RIC8B: variants seen among roughly 807,000 people sequenced by gnomAD.
The protein encoded by RIC8B is RIC8 guanine nucleotide exchange factor B, also known as chaperone Ric-8B.
RIC8B carries 16 observed loss-of-function variants against 57.5 expected under a neutral mutation model. The ratio of observed to expected loss-of-function variants is 0.28; its 90% CI spans 0.19 to 0.42. The LOEUF (loss-of-function observed/expected upper bound fraction) is 0.42. Ranked by LOEUF, RIC8B falls within the 10% of genes least tolerant of loss-of-function variation. RIC8B has a pLI of 1.00. For missense variants in RIC8B, 481 were observed against 677.0 expected (o/e 0.71, Z 3.21); for synonymous variants, 216 against 250.8 (o/e 0.86, Z 1.31).
At position 106,867,215 on chromosome 12, in the gene RIC8B, C is replaced by G. The variant is rs1024978101; in HGVS notation, c.1452-3608C>G. On this transcript the variant is annotated intron_variant, in intron 8 of 9. Transcript: ENST00000392837. The surrounding 1 kb of genome is among the most constrained non-coding windows in gnomAD (Gnocchi z 4.3). Reference sequence around the variant, plus strand: ...TTATACCTGTGTTCATTTGTCCATACCTTTTTAGTGTGTCTTAATCCTTTT... The same window carrying G: ...TTATACCTGTGTTCATTTGTCCATAGCTTTTTAGTGTGTCTTAATCCTTTT... Among the ~76,000 whole-genome samples the G allele has an allele frequency of 6.6e-6, 1 of 152,130 alleles. No homozygotes were observed. The highest frequency in any genetic ancestry group is 1.5e-5 in the Non-Finnish European group (1 of 68,020).
chr12:106,815,504 A>G (rs1394063154), intron 3 of RIC8B, among the ~76,000 whole-genome samples, 200 bp downstream of exon 3: 1 of 152,222 alleles, frequency 6.6e-6, no homozygotes, highest in Non-Finnish European at 1.5e-5. Flanking sequence ...CACCTATCAG[A>G]ATAGGTGTAA....
chr12:106,860,119 A>C, intron 7 of RIC8B, 149 bp from the exon 8 acceptor site: 1 of 631,364 alleles, frequency 1.6e-6, no homozygotes, highest in Non-Finnish European at 2.5e-6. Context: ...TAAGTAGTTC[A>C]GTATAACCAC....
At chr12:106,824,699 C>G (rs1315676348) in intron 3 of RIC8B, among the ~76,000 whole-genome samples, 3 of 151,906 alleles carry the variant, frequency 2.0e-5, no homozygotes, top group East Asian at 3.9e-4. Flanking sequence ...AGTTCAAGAC[C>G]AGCCTGGCCA....
At chr12:106,831,859 G>A (rs1460395487) in intron 4 of RIC8B, among the ~76,000 whole-genome samples, 2 of 152,192 alleles carry the variant, frequency 1.3e-5, no homozygotes, top group Non-Finnish European at 2.9e-5. Context: ...TGCCCCGAGA[G>A]CATCCGTCTT....
In RIC8B at chr12:106,888,587, G is replaced by T. The variant is rs1193997788; in HGVS notation, c.*2572G>T. The T allele has an allele frequency of 6.6e-6, 1 of 152,670 alleles. No homozygotes were observed. Among genetic ancestry groups the T allele is most frequent in the African/African-American group, 2.4e-5 (1 of 41,450 alleles). 9.5% of individuals were successfully genotyped at this position (152,670 alleles called of 1,614,324 possible). Reference sequence around the variant, plus strand: ...AATGCTGGGAACAGAGTGGTGTGAGGAGGGTGGTCATTCTCAGGCCATTTT... The same window carrying T: ...AATGCTGGGAACAGAGTGGTGTGAGTAGGGTGGTCATTCTCAGGCCATTTT... On this transcript the variant is annotated 3_prime_UTR_variant, in exon 10 of 10. Coordinates refer to ENST00000392837, the MANE Select transcript of RIC8B (RefSeq NM_001330145.2).
intron 8 of RIC8B, among the ~76,000 whole-genome samples, chr12:106,869,666 G>A (rs559193468): frequency 3.9e-5 from 6 of 152,276 alleles, no homozygotes; most frequent in East Asian, 3.9e-4. Flanking sequence ...TCTGCTAGGC[G>A]CCATGGCTTA....
At chr12:106,810,156 C>CTTT (rs5800718) in intron 2 of RIC8B, among the ~76,000 whole-genome samples, 1 of 139,604 alleles carries the variant, frequency 7.2e-6, no homozygotes, top group Non-Finnish European at 1.5e-5. Context: ...ATGTTATTTC[C>CTTT]TTTTTTTTTT....
chr12:106,799,922 C>A (rs995928421), intron 2 of RIC8B, among the ~76,000 whole-genome samples: 3 of 152,112 alleles, frequency 2.0e-5, no homozygotes, highest in Admixed American at 6.5e-5. Context: ...AAATTTATTT[C>A]TCCCAGTTCT....
rs77573461 is a variant in RIC8B at position 106,826,367 on chromosome 12, A to G, written c.836+547A>G. Among the ~76,000 whole-genome samples the G allele has an allele frequency of 1.8e-3, 278 of 152,342 alleles. 5 individuals carry two copies. In the East Asian group the frequency reaches 0.051, roughly 28 times the overall value. On this transcript the variant is annotated intron_variant, in intron 4 of 9. Transcript: ENST00000392837. ...CTAGTACTCTCACTAATTTCATTTGAAGAGTACTTACCAAAAAGTATATAT... is the reference window on the plus strand; with the variant it reads ...CTAGTACTCTCACTAATTTCATTTGGAGAGTACTTACCAAAAAGTATATAT...
chr12:106,813,878 T>G (rs1004946090), intron 2 of RIC8B, among the ~76,000 whole-genome samples: 2 of 152,176 alleles, frequency 1.3e-5, no homozygotes, highest in African/African-American at 4.8e-5. Context: ...AAAACTGACA[T>G]TGAATTTTGA....
chr12:106,803,346 T>A (rs2044841371), intron 2 of RIC8B, among the ~76,000 whole-genome samples: 1 of 152,198 alleles, frequency 6.6e-6, no homozygotes, highest in Non-Finnish European at 1.5e-5. Context: ...GAATCTTTTG[T>A]ACTGCTAGTG....
intron 2 of RIC8B, among the ~76,000 whole-genome samples, chr12:106,789,582 G>GATAA (rs1322368450): frequency 6.6e-6 from 1 of 152,098 alleles, no homozygotes. Context: ...AAGAGAGAAT[G>GATAA]AGATAAACCC....
At chr12:106,781,072 G>C (rs962673030) in intron 1 of RIC8B, among the ~76,000 whole-genome samples, 2 of 152,164 alleles carry the variant, frequency 1.3e-5, no homozygotes, top group African/African-American at 4.8e-5. Context: ...ATAGTCTGGT[G>C]TGTCACTGAG....
chr12:106,833,049 C>T (rs2046425660), intron 4 of RIC8B, among the ~76,000 whole-genome samples: 1 of 152,068 alleles, frequency 6.6e-6, no homozygotes, highest in South Asian at 2.1e-4. Flanking sequence ...AGAGATATGA[C>T]CCTGTTTCTT....
At chr12:106,862,847 T>C (rs1358070624) in intron 8 of RIC8B, among the ~76,000 whole-genome samples, 1 of 152,160 alleles carries the variant, frequency 6.6e-6, no homozygotes, top group Non-Finnish European at 1.5e-5. Context: ...ACAACAAAGC[T>C]TTTTGTGTCA....
At chr12:106,817,327 C>T (rs144624953) in intron 3 of RIC8B, among the ~76,000 whole-genome samples, 261 of 152,140 alleles carry the variant, frequency 1.7e-3, no homozygotes, top group Middle Eastern at 6.8e-3. Context: ...AGAGAAAGAG[C>T]GCACTGATTG....
At chr12:106,814,617 G>A (rs2136285486) in intron 2 of RIC8B, 79 bp from the exon 3 acceptor site, 1 of 1,391,670 alleles carries the variant, frequency 7.2e-7, no homozygotes, top group Non-Finnish European at 9.8e-7. Context: ...CTGTTGTTAA[G>A]TACATTGGCA....
intron 2 of RIC8B, among the ~76,000 whole-genome samples, chr12:106,813,535 T>C (rs1455890090): frequency 6.6e-6 from 1 of 152,132 alleles, no homozygotes; most frequent in African/African-American, 2.4e-5. Flanking sequence ...GTGGATTTTA[T>C]TATCTGCAGA....
At chr12:106,852,875 A>G (rs1227204827) in intron 7 of RIC8B, among the ~76,000 whole-genome samples, 1 of 152,264 alleles carries the variant, frequency 6.6e-6, no homozygotes, top group East Asian at 1.9e-4. Context: ...AGTGCCTTGC[A>G]CATAGTTATC....
Sources: allele counts gnomAD v4.1 joint callset (sites outside exome capture counted in the v4.1 genomes callset), GRCh38; gene constraint gnomAD v4.1.1; non-coding constraint Gnocchi (gnomAD v3.1); transcripts MANE v1.5; gene names NCBI Gene and HGNC (gene_info 2026-07-23, HGNC 2026-07-21).